Variants in PIK3R3 observed in about 807,000 individuals in gnomAD.
PIK3R3 encodes the protein phosphatidylinositol 3-kinase regulatory subunit gamma.
PIK3R3 carries 64 observed loss-of-function variants against 62.9 expected under a neutral mutation model. The observed-to-expected ratio is 1.02, with a 90% CI of 0.83 to 1.25. The LOEUF (loss-of-function observed/expected upper bound fraction) is 1.25. Among genes scored for constraint, PIK3R3 ranks in the 50% most tolerant of loss-of-function variants. The probability of loss-of-function intolerance (pLI) is 0.00; values close to 1 mark genes in which losing one functional copy is unlikely to be tolerated. For missense variants in PIK3R3, 614 were observed against 561.6 expected, an observed-to-expected ratio of 1.09 and a Z score of -0.94; for synonymous variants, 165 against 189.0, an observed-to-expected ratio of 0.87 and a Z score of 1.04.
At chr1:46,095,875 ATTGCT>A (rs1652075962) in intron 1 of PIK3R3, among the ~76,000 whole-genome samples, 3 of 152,224 alleles carry the variant, frequency 2.0e-5, no homozygotes, top group Non-Finnish European at 2.9e-5. Context: ...TTAAAAGTTA[ATTGCT>A]TTGAAGACTT....
intron 5 of PIK3R3, among the ~76,000 whole-genome samples, chr1:46,064,367 C>A (rs1648802025): frequency 6.6e-6 from 1 of 151,966 alleles, no homozygotes; most frequent in Admixed American, 6.6e-5. Flanking sequence ...ATGATGAACC[C>A]CTGTCTCTAC....
intron 1 of PIK3R3, among the ~76,000 whole-genome samples, chr1:46,123,236 T>C (rs1654831626): frequency 6.6e-6 from 1 of 151,950 alleles, no homozygotes; most frequent in South Asian, 2.1e-4. Context: ...AAGGGTACAG[T>C]GCTAGAATTT....
At chr1:46,140,526 A>G in the PIK3R3 span, among the ~76,000 whole-genome samples, 1 of 152,254 alleles carries the variant, frequency 6.6e-6, no homozygotes, top group Non-Finnish European at 1.5e-5. Context: ...ATCTTGAGAT[A>G]AGATCATCCT....
the PIK3R3 span, among the ~76,000 whole-genome samples, chr1:46,143,586 C>T: frequency 6.6e-6 from 1 of 152,018 alleles, no homozygotes; most frequent in Non-Finnish European, 1.5e-5. Context: ...CACCACCACC[C>T]CTGCTCTTCA....
At chr1:46,066,661 T>C (rs1649016742) in intron 4 of PIK3R3, among the ~76,000 whole-genome samples, 1 of 152,030 alleles carries the variant, frequency 6.6e-6, no homozygotes, top group African/African-American at 2.4e-5. Context: ...AGTTGTGGCA[T>C]GCACCTGTGA....
intron 1 of PIK3R3, among the ~76,000 whole-genome samples, chr1:46,108,387 C>T (rs1445160313): frequency 6.6e-6 from 1 of 152,182 alleles, no homozygotes; most frequent in African/African-American, 2.4e-5. Flanking sequence ...TGCCTGCTTC[C>T]TCTATTCCCA....
intron 1 of PIK3R3, among the ~76,000 whole-genome samples, chr1:46,122,775 C>A (rs144681068): frequency 3.8e-4 from 58 of 152,074 alleles, no homozygotes; most frequent in African/African-American, 1.4e-3. Context: ...CCCTTTGTTA[C>A]AATAAGTGCC....
chr1:46,102,967 A>C (rs1349630328), intron 1 of PIK3R3, among the ~76,000 whole-genome samples: 1 of 152,236 alleles, frequency 6.6e-6, no homozygotes, highest in East Asian at 1.9e-4. Context: ...TGGTATATAC[A>C]TAAAGGGAAT....
At chr1:46,133,330 C>T (rs1655789828), upstream of PIK3R3, among the ~76,000 whole-genome samples, 1 of 152,248 alleles carries the variant, frequency 6.6e-6, no homozygotes, top group Non-Finnish European at 1.5e-5. Context: ...AGGCTTGGTC[C>T]GCCCGGACGA....
At chr1:46,141,195 A>C in the PIK3R3 span, among the ~76,000 whole-genome samples, 1 of 150,700 alleles carries the variant, frequency 6.6e-6, no homozygotes, top group Non-Finnish European at 1.5e-5. Context: ...GTTTGTGGTA[A>C]TTCATTATGG....
intron 6 of PIK3R3, among the ~76,000 whole-genome samples, 193 bp downstream of exon 6, chr1:46,061,736 T>C (rs1226991551): frequency 6.6e-6 from 1 of 152,216 alleles, no homozygotes; most frequent in Non-Finnish European, 1.5e-5. Context: ...AGCAGGAGTT[T>C]ATCCGTTTGG....
At chr1:46,080,785 A>G (rs1650509465) in intron 1 of PIK3R3, 35 bp from the exon 2 acceptor site, 1 of 1,388,148 alleles carries the variant, frequency 7.2e-7, no homozygotes, top group Non-Finnish European at 1.0e-6. Flanking sequence ...TGTAGATGTA[A>G]ATTATTTACT....
chr1:46,044,007 G>A lies in PIK3R3; in HGVS notation c.1188-136C>T, dbSNP rs931666872. On this transcript the variant is annotated intron_variant, in intron 9 of 9. Transcript: ENST00000262741. The surrounding 1 kb of genome is among the most constrained non-coding windows in gnomAD (Gnocchi z 4.2). The stretch of plus-strand genomic sequence containing the variant: ...AACCAGGCAAAGCTTGTGAAATTGC[G>A]TTCCCATTCCCTACAGACTTGGCCA... 4.8e-5 allele frequency: 35 copies of A among 725,468 alleles called. No individual in the cohort carries two copies. The highest frequency in any genetic ancestry group is 3.5e-4 in the African/African-American group (20 of 56,662). The allele number at this position is 725,468 out of a possible 1,614,324, so 44.9% of individuals were successfully genotyped here.
chr1:46,068,517 G>GA (rs1037243995), intron 3 of PIK3R3, among the ~76,000 whole-genome samples: 1 of 151,964 alleles, frequency 6.6e-6, no homozygotes. Flanking sequence ...AGTCTGTTGG[G>GA]AAAAAAAATA....
At chr1:46,155,905 C>T in the PIK3R3 span, among the ~76,000 whole-genome samples, 24 of 152,228 alleles carry the variant, frequency 1.6e-4, no homozygotes, top group East Asian at 4.2e-3. Flanking sequence ...CATTCATTTA[C>T]GTATTGTCTG....
In PIK3R3 at chr1:46,044,009, T is replaced by C. The variant is rs141052045; in HGVS notation, c.1188-138A>G. 1.4e-6 allele frequency: 1 copy of C among 708,540 alleles called. No individual in the cohort carries two copies. Among genetic ancestry groups the C allele is most frequent in the African/African-American group, 1.8e-5 (1 of 56,506 alleles). The allele number at this position is 708,540 out of a possible 1,614,324, so 43.9% of individuals were successfully genotyped here. A position where few individuals can be genotyped will look rare whatever the true frequency, so the allele number is the denominator to read the frequency against. ...CCAGGCAAAGCTTGTGAAATTGCGT[T>C]CCCATTCCCTACAGACTTGGCCACA... On this transcript the variant is annotated intron_variant, in intron 9 of 9. Coordinates refer to ENST00000262741, the MANE Select transcript of PIK3R3 (RefSeq NM_003629.4). The surrounding 1 kb of genome is among the most constrained non-coding windows in gnomAD (Gnocchi z 4.2).
Position 46,043,675 on chromosome 1 carries a change from A to G in PIK3R3, c.1384T>C (p.Ter462GlnextTer22), listed in dbSNP as rs372461801. The change falls in exon 10 of 10, where the codon TAA becomes CAA. Residue 462 changes from the stop codon to glutamine (Q), a stop_lost. Transcript: ENST00000262741. ...VHAQMPSLCR[*>Q] Reference sequence around the variant, plus strand: ...CCACCTCTCTTCCCACTTCCTCTTTATCTGCAAAGCGAGGGCATCTGTGCA... The same window carrying G: ...CCACCTCTCTTCCCACTTCCTCTTTGTCTGCAAAGCGAGGGCATCTGTGCA... 4 of 1,613,956 alleles carry G rather than the reference A, an allele frequency of 2.5e-6. No individual in the cohort carries two copies. The highest frequency in any genetic ancestry group is 1.7e-6 in the Non-Finnish European group (2 of 1,179,806).
upstream of PIK3R3, among the ~76,000 whole-genome samples, chr1:46,133,247 A>G (rs1655783512): frequency 6.6e-6 from 1 of 152,054 alleles, no homozygotes; most frequent in African/African-American, 2.4e-5. Context: ...AGAAAACGCA[A>G]ACGGCGGTTA....
At chr1:46,150,154 T>C in the PIK3R3 span, among the ~76,000 whole-genome samples, 4 of 152,334 alleles carry the variant, frequency 2.6e-5, no homozygotes, top group South Asian at 8.3e-4. Context: ...TCCCTTCATA[T>C]TGATGACCTA....
Sources: allele counts gnomAD v4.1 joint callset (sites outside exome capture counted in the v4.1 genomes callset), GRCh38; gene constraint gnomAD v4.1.1; non-coding constraint Gnocchi (gnomAD v3.1); transcripts MANE v1.5; gene names NCBI Gene and HGNC (gene_info 2026-07-23, HGNC 2026-07-21).